PCSK6: variants seen among roughly 807,000 people sequenced by gnomAD.
The protein encoded by PCSK6 is paired basic amino acid cleaving enzyme 4.
Under a neutral mutation model 123.3 loss-of-function variants are expected in PCSK6, and 85 were observed. That is an observed-to-expected ratio of 0.69 (90% CI 0.58 to 0.83). PCSK6 has a LOEUF of 0.83. PCSK6 is among the 40% of genes least tolerant of loss of function. PCSK6 has a pLI of 0.00. For synonymous variants in PCSK6, 508 were observed against 516.0 expected, an observed-to-expected ratio of 0.98 and a Z score of 0.21; for missense variants, 1,191 against 1,282.3, an observed-to-expected ratio of 0.93 and a Z score of 1.09.
rs151302682 is a variant in PCSK6, at chr15:101,456,449, T to C, written c.298-12789A>G. ...GCAGGTCTCCAGAGGCGTCTGTCCA[T>C]TCCCTCATTCCTTCCCTCAACAAAT... On this transcript the variant is annotated intron_variant, in intron 1 of 21. Transcript: ENST00000611716. 2.2e-3 allele frequency among the ~76,000 whole-genome samples: 334 copies of C among 152,320 alleles called. 1 individual carries two copies. The highest frequency in any genetic ancestry group is 7.4e-3 in the African/African-American group (307 of 41,576).
intron 13 of PCSK6, among the ~76,000 whole-genome samples, chr15:101,358,264 C>T (rs940672969): frequency 6.6e-6 from 1 of 152,162 alleles, no homozygotes; most frequent in Non-Finnish European, 1.5e-5. Context: ...TTGGGGCAGT[C>T]GCCATCTCCT....
chr15:101,448,478 C>T (rs2056949592), intron 1 of PCSK6, among the ~76,000 whole-genome samples: 1 of 152,252 alleles, frequency 6.6e-6, no homozygotes, highest in African/African-American at 2.4e-5. Flanking sequence ...CCCTCCTTCA[C>T]CTGTCCCCCA....
chr15:101,469,734 C>G (rs2141231780), intron 1 of PCSK6, among the ~76,000 whole-genome samples: 1 of 152,336 alleles, frequency 6.6e-6, no homozygotes, highest in South Asian at 2.1e-4. Flanking sequence ...CATGGCTCAG[C>G]AGTTTGTCTC....
At chr15:101,403,444 G>GA (rs975440803) in intron 6 of PCSK6, among the ~76,000 whole-genome samples, 3 of 146,302 alleles carry the variant, frequency 2.1e-5, no homozygotes, top group Non-Finnish European at 3.0e-5. Context: ...AAAAGAGAGA[G>GA]AAAAAAAAAT....
intron 1 of PCSK6, among the ~76,000 whole-genome samples, chr15:101,465,842 T>C (rs1178202015): frequency 1.3e-5 from 2 of 151,978 alleles, no homozygotes; most frequent in Non-Finnish European, 2.9e-5. Flanking sequence ...AATCGACACA[T>C]TAAGCAAGGA....
chr15:101,346,254 A>G (rs1461949146), intron 13 of PCSK6: 1 of 152,260 alleles, frequency 6.6e-6, no homozygotes, highest in Non-Finnish European at 1.5e-5. Context: ...GGCTTTTTGT[A>G]CTAAGCTGTC....
chr15:101,417,979 A>G (rs753489547), intron 6 of PCSK6, among the ~76,000 whole-genome samples: 7 of 152,120 alleles, frequency 4.6e-5, no homozygotes, highest in Non-Finnish European at 1.0e-4. Flanking sequence ...AAAAATAGAA[A>G]TTTTTCATCA....
At chr15:101,328,465 G>C (rs2040307732) in intron 15 of PCSK6, among the ~76,000 whole-genome samples, 1 of 152,180 alleles carries the variant, frequency 6.6e-6, no homozygotes, top group African/African-American at 2.4e-5. Context: ...GAGCGGATGA[G>C]AGGAGGGTGG....
At chr15:101,313,203 A>G in intron 20 of PCSK6, 173 bp downstream of exon 20, 1 of 1,529,998 alleles carries the variant, frequency 6.5e-7, no homozygotes, top group Non-Finnish European at 8.8e-7. Context: ...ATATGCATCC[A>G]GTGAACAAAG....
chr15:101,421,887 T>A (rs2056095589), intron 6 of PCSK6, among the ~76,000 whole-genome samples: 1 of 152,256 alleles, frequency 6.6e-6, no homozygotes, highest in Non-Finnish European at 1.5e-5. Context: ...ACCACAAGTT[T>A]TAAGTTCAAC....
intron 15 of PCSK6, among the ~76,000 whole-genome samples, chr15:101,327,259 G>C (rs551658681): frequency 1.3e-5 from 2 of 152,296 alleles, no homozygotes; most frequent in East Asian, 1.9e-4. Flanking sequence ...AAACAACTGA[G>C]AACTGCAGGC....
chr15:101,382,010 C>T, intron 11 of PCSK6, 82 bp downstream of exon 11: 3 of 896,284 alleles, frequency 3.3e-6, no homozygotes, highest in Non-Finnish European at 3.5e-6. Flanking sequence ...TGTGTGAACA[C>T]CTCCCCCAGC....
In PCSK6 at chr15:101,326,406, G is replaced by C. The variant is rs1342317655; in HGVS notation, c.2151C>G (p.His717Gln). The stretch of plus-strand genomic sequence containing the variant: ...TGGTCTTGACACTCCCCAGGCTGAA[G>C]TGGACGCAGTTCAAGCACTGGTCTG... ...PNADQCLNCVHFSLGSVKTSR... is the reference protein window; with the variant it reads ...PNADQCLNCVQFSLGSVKTSR... The change falls in exon 16 of 22, where the codon CAC becomes CAG. Residue 717 changes from histidine (H) to glutamine (Q), a missense_variant. Physicochemically the swap from His to Gln is conservative, Grantham distance 24. Coordinates refer to ENST00000611716, the MANE Select transcript of PCSK6 (RefSeq NM_002570.5). 7.6e-6 allele frequency: 12 copies of C among 1,580,998 alleles called. No homozygotes were observed. The highest frequency in any genetic ancestry group is 1.8e-5 in the Admixed American group (1 of 55,390).
intron 2 of PCSK6, among the ~76,000 whole-genome samples, chr15:101,438,825 G>C (rs1033767772): frequency 6.6e-6 from 1 of 152,218 alleles, no homozygotes; most frequent in Non-Finnish European, 1.5e-5. Context: ...ACTGCTAGAA[G>C]AGCAGGCCAA....
intron 13 of PCSK6, among the ~76,000 whole-genome samples, chr15:101,349,194 C>T (rs1226168636): frequency 6.6e-6 from 1 of 152,122 alleles, no homozygotes; most frequent in Non-Finnish European, 1.5e-5. Context: ...CGGGGGCCTG[C>T]AAAAGTCCTG....
rs536360334 is a variant in PCSK6 at position 101,429,237 on chromosome 15, G to A, written c.734+750C>T. 2.0e-3 allele frequency among the ~76,000 whole-genome samples: 299 copies of A among 151,448 alleles called. 2 individuals carry two copies. Among genetic ancestry groups the A allele is most frequent in the Non-Finnish European group, 2.9e-3 (194 of 67,928 alleles). ...GGGTATGGGGCATGCTGATGGAGAA[G>A]GAAAGAGACAGCAAATGAATTCCCA... is the stretch of plus-strand genomic sequence containing the variant. On this transcript the variant is annotated intron_variant, in intron 5 of 21. Transcript: ENST00000611716.
intron 1 of PCSK6, among the ~76,000 whole-genome samples, chr15:101,453,742 T>A (rs1481331065): frequency 6.6e-6 from 1 of 152,228 alleles, no homozygotes; most frequent in African/African-American, 2.4e-5. Context: ...GGAGGCCCAC[T>A]GTTTACTTTT....
At chr15:101,433,565 T>C (rs917265614) in intron 2 of PCSK6, among the ~76,000 whole-genome samples, 1 of 152,048 alleles carries the variant, frequency 6.6e-6, no homozygotes, top group East Asian at 1.9e-4. Context: ...TGATGTGAGT[T>C]CCAAACAGGG....
chr15:101,442,228 A>G (rs961488272), intron 2 of PCSK6, among the ~76,000 whole-genome samples: 16 of 152,212 alleles, frequency 1.1e-4, no homozygotes, highest in African/African-American at 3.6e-4. Flanking sequence ...ATCCCTTAGT[A>G]AACACTTAAC....
Sources: allele counts gnomAD v4.1 joint callset (sites outside exome capture counted in the v4.1 genomes callset), GRCh38; gene constraint gnomAD v4.1.1; transcripts MANE v1.5; gene names NCBI Gene and HGNC (gene_info 2026-07-23, HGNC 2026-07-21).